The following LRRN2 variants were observed in gnomAD, a reference collection of about 807,000 sequenced individuals.
The protein encoded by LRRN2 is leucine-rich repeat neuronal protein 2.
Under a neutral mutation model 35.7 loss-of-function variants are expected in LRRN2, and 10 were observed. That is an observed-to-expected ratio of 0.28 (90% CI 0.17 to 0.47). The LOEUF (loss-of-function observed/expected upper bound fraction) is 0.47. Ranked by LOEUF, LRRN2 falls within the 20% of genes least tolerant of loss-of-function variation. The pLI is 0.99. For synonymous variants in LRRN2, 391 were observed against 409.6 expected (o/e 0.95, Z 0.55); for missense variants, 731 against 940.3 (o/e 0.78, Z 2.91).
At chr1:204,637,489 G>A (rs2102598543) in intron 1 of LRRN2, among the ~76,000 whole-genome samples, 1 of 152,282 alleles carries the variant, frequency 6.6e-6, no homozygotes, top group Admixed American at 6.5e-5. Flanking sequence ...GAGTGCCAAG[G>A]GCTGTGCCTG....
At chr1:204,666,881 G>A (rs190890112) in intron 1 of LRRN2, among the ~76,000 whole-genome samples, 3 of 139,842 alleles carry the variant, frequency 2.1e-5, no homozygotes, top group African/African-American at 8.0e-5. Context: ...AGAATTGCTT[G>A]AACCTGGGAG....
At chr1:204,669,720 A>T (rs1005511181) in intron 1 of LRRN2, among the ~76,000 whole-genome samples, 1 of 140,444 alleles carries the variant, frequency 7.1e-6, no homozygotes, top group African/African-American at 2.5e-5. Context: ...GAAGGCCATG[A>T]GGCCAAAAGG....
At chr1:204,638,304 AT>A (rs1667887626) in intron 1 of LRRN2, among the ~76,000 whole-genome samples, 1 of 150,586 alleles carries the variant, frequency 6.6e-6, no homozygotes, top group African/African-American at 2.4e-5. Flanking sequence ...ATTTCATTGA[AT>A]CCCCCCGCAC....
At chr1:204,683,466 A>C (rs1015671553) in intron 1 of LRRN2, among the ~76,000 whole-genome samples, 4 of 149,780 alleles carry the variant, frequency 2.7e-5, no homozygotes, top group African/African-American at 9.9e-5. Flanking sequence ...GAGGAGGATG[A>C]GGGGGAGGAG....
intron 1 of LRRN2, among the ~76,000 whole-genome samples, chr1:204,631,256 C>CTACATATATATATA (rs1667686630): frequency 2.7e-5 from 1 of 36,910 alleles, no homozygotes; most frequent in Non-Finnish European, 5.1e-5. Context: ...CTAGAGTGTT[C>CTACATATATATATA]TATATATATA....
At chr1:204,632,065 C>CA (rs2102594245) in intron 1 of LRRN2, among the ~76,000 whole-genome samples, 1 of 151,990 alleles carries the variant, frequency 6.6e-6, no homozygotes, top group Admixed American at 6.6e-5. Flanking sequence ...TACCAAAAAA[C>CA]AAACAAACAA....
At chr1:204,656,893 G>A (rs1668368223) in intron 1 of LRRN2, among the ~76,000 whole-genome samples, 1 of 152,180 alleles carries the variant, frequency 6.6e-6, no homozygotes, top group Non-Finnish European at 1.5e-5. Context: ...CATCTGCAAA[G>A]TAATCATCTT....
chr1:204,668,004 G>C (rs1668608725), intron 1 of LRRN2, among the ~76,000 whole-genome samples: 1 of 152,136 alleles, frequency 6.6e-6, no homozygotes, highest in African/African-American at 2.4e-5. Flanking sequence ...GACCATCCTC[G>C]TTCCTCACTC....
intron 1 of LRRN2, among the ~76,000 whole-genome samples, chr1:204,636,932 T>C (rs1180636917): frequency 6.6e-6 from 1 of 152,188 alleles, no homozygotes; most frequent in African/African-American, 2.4e-5. Context: ...ACCCCATAGC[T>C]GTTGATACTG....
At chr1:204,658,285 C>A (rs953212316) in intron 1 of LRRN2, among the ~76,000 whole-genome samples, 1 of 152,034 alleles carries the variant, frequency 6.6e-6, no homozygotes, top group Admixed American at 6.6e-5. Context: ...GCCAATGGTT[C>A]GTATTTACAG....
At chr1:204,645,780 G>A (rs1182825182) in intron 1 of LRRN2, among the ~76,000 whole-genome samples, 1 of 152,212 alleles carries the variant, frequency 6.6e-6, no homozygotes, top group Non-Finnish European at 1.5e-5. Flanking sequence ...GCAGGACGGA[G>A]TGAGTGCAAG....
intron 1 of LRRN2, among the ~76,000 whole-genome samples, chr1:204,671,642 T>TG (rs1668714734): frequency 3.3e-5 from 1 of 30,230 alleles, no homozygotes; most frequent in Non-Finnish European, 5.4e-5. Flanking sequence ...TAATTGATGG[T>TG]AAAAAAAAAA....
rs1369941954 is a variant in LRRN2 at position 204,619,846 on chromosome 1, C to T, written c.147G>A (p.Glu49=). Reference sequence around the variant, plus strand: ...GGTCATTGCAGTCCACAGTGGTAGCCTCGCGGTAGGACGAGCGGGGCGTAT... The same window carrying T: ...GGTCATTGCAGTCCACAGTGGTAGCTTCGCGGTAGGACGAGCGGGGCGTAT... ...PWYTPRSSYR[E]ATTVDCNDLF... is the part of the protein sequence containing the mutation. The change falls in exon 2 of 2, where the codon GAG becomes GAA. Residue 49 remains glutamate (E), a synonymous_variant. Transcript: ENST00000367177. The T allele has an allele frequency of 1.9e-6, 3 of 1,613,670 alleles. No individual in the cohort carries two copies. The highest frequency in any genetic ancestry group is 2.5e-6 in the Non-Finnish European group (3 of 1,179,860).
At chr1:204,646,496 G>T (rs1274434832) in intron 1 of LRRN2, among the ~76,000 whole-genome samples, 6 of 152,088 alleles carry the variant, frequency 3.9e-5, no homozygotes, top group Non-Finnish European at 2.9e-5. Context: ...GACTCTGGGA[G>T]AGCTGGGGGA....
intron 1 of LRRN2, among the ~76,000 whole-genome samples, chr1:204,638,189 G>A (rs934377919): frequency 1.4e-5 from 2 of 146,992 alleles, no homozygotes; most frequent in Non-Finnish European, 3.0e-5. Context: ...CTGATCTCAC[G>A]CACTACTGTT....
At chr1:204,632,939 A>G (rs966778600) in intron 1 of LRRN2, among the ~76,000 whole-genome samples, 7 of 152,096 alleles carry the variant, frequency 4.6e-5, no homozygotes, top group African/African-American at 1.7e-4. Context: ...GTCTCCAAAA[A>G]AAAAAAAAAA....
chr1:204,676,152 G>A (rs978434799), intron 1 of LRRN2, among the ~76,000 whole-genome samples: 2 of 102,396 alleles, frequency 2.0e-5, no homozygotes, highest in Non-Finnish European at 4.7e-5. Flanking sequence ...GTGTGTGTGT[G>A]TGTGTGTGTG....
intron 1 of LRRN2, among the ~76,000 whole-genome samples, chr1:204,684,651 C>G (rs545304780): frequency 6.6e-6 from 1 of 152,294 alleles, no homozygotes; most frequent in East Asian, 1.9e-4. Flanking sequence ...GGCTCAGAGC[C>G]ACCCTTCCGT....
At chr1:204,630,120 A>G (rs1041997351) in intron 1 of LRRN2, among the ~76,000 whole-genome samples, 1 of 152,200 alleles carries the variant, frequency 6.6e-6, no homozygotes, top group Admixed American at 6.5e-5. Flanking sequence ...TCCACATCAA[A>G]TACAATGCTC....
Sources: allele counts gnomAD v4.1 joint callset (sites outside exome capture counted in the v4.1 genomes callset), GRCh38; gene constraint gnomAD v4.1.1; transcripts MANE v1.5; gene names NCBI Gene and HGNC (gene_info 2026-07-23, HGNC 2026-07-21).